Variants in IL1RAPL1 observed in about 807,000 individuals in gnomAD.
IL1RAPL1 encodes interleukin 1 receptor accessory protein like 1, also known as interleukin-1 receptor accessory protein-like 1.
In IL1RAPL1, 3 loss-of-function variants were observed where a neutral mutation model predicts 48.4. The observed-to-expected ratio is 0.06, with a 90% CI of 0.03 to 0.16. The LOEUF (loss-of-function observed/expected upper bound fraction) is 0.16. Among genes scored for constraint, IL1RAPL1 ranks in the 10% least tolerant of loss-of-function variants. The pLI is 1.00. For synonymous variants in IL1RAPL1, 185 were observed against 187.7 expected, an observed-to-expected ratio of 0.99 and a Z score of 0.12; for missense variants, 349 against 530.6, an observed-to-expected ratio of 0.66 and a Z score of 3.36.
chrX:29,845,218 C>A (rs925972763), intron 6 of IL1RAPL1, among the ~76,000 whole-genome samples: 39 of 111,340 alleles, frequency 3.5e-4, no homozygotes, highest in Non-Finnish European at 6.0e-4. Context: ...AATAAGAAAA[C>A]AAGCCATACA....
intron 6 of IL1RAPL1, among the ~76,000 whole-genome samples, chrX:29,767,639 AC>A (rs1039173765): frequency 5.4e-5 from 6 of 112,045 alleles, no homozygotes; most frequent in Non-Finnish European, 1.1e-4. Context: ...ATAAGGCAAT[AC>A]CACTTGTCTA....
intron 1 of IL1RAPL1, among the ~76,000 whole-genome samples, chrX:28,648,804 C>T (rs190929040): frequency 5.6e-4 from 62 of 111,460 alleles, no homozygotes; most frequent in South Asian, 1.1e-3. Flanking sequence ...TTGGAAAGTC[C>T]CTGTAACGAA....
At chrX:29,452,164 G>T (rs1249273974) in intron 5 of IL1RAPL1, among the ~76,000 whole-genome samples, 1 of 111,936 alleles carries the variant, frequency 8.9e-6, no homozygotes, top group Non-Finnish European at 1.9e-5. Flanking sequence ...CATAAATAAA[G>T]CAGAATTATA....
At chrX:29,373,109 T>G (rs1360998521) in intron 3 of IL1RAPL1, among the ~76,000 whole-genome samples, 1 of 111,534 alleles carries the variant, frequency 9.0e-6, no homozygotes, top group East Asian at 2.8e-4. Flanking sequence ...TCAGCAATGT[T>G]TTTTAGTTCT....
intron 2 of IL1RAPL1, among the ~76,000 whole-genome samples, chrX:29,077,832 A>T (rs1160439212): frequency 1.8e-5 from 2 of 111,110 alleles, no homozygotes; most frequent in African/African-American, 3.3e-5. Context: ...GTTGAGAAAC[A>T]TTGGACATTT....
At chrX:28,907,649 G>T (rs2147330031) in intron 2 of IL1RAPL1, among the ~76,000 whole-genome samples, 1 of 112,527 alleles carries the variant, frequency 8.9e-6, no homozygotes, top group South Asian at 3.7e-4. Flanking sequence ...TGTTGGATTA[G>T]ATTATTTAAT....
rs1017754389 is a variant in IL1RAPL1, at chrX:29,764,114, T to C, written c.778+95610T>C. On this transcript the variant is annotated intron_variant, in intron 6 of 10. Transcript: ENST00000378993. The stretch of plus-strand genomic sequence containing the variant: ...GTAGGAAACAAATTAAATTTTAATC[T>C]TTATTATTATTAAAATAATCTTTGC... Among the ~76,000 whole-genome samples, 4 of 111,865 alleles carry C rather than the reference T, an allele frequency of 3.6e-5. No individual in the cohort carries two copies. The East Asian group carries it at 1.1e-3, about 31-fold the overall frequency.
At chrX:28,806,301 T>C (rs1936731391) in intron 2 of IL1RAPL1, among the ~76,000 whole-genome samples, 1 of 112,037 alleles carries the variant, frequency 8.9e-6, no homozygotes, top group African/African-American at 3.2e-5. Flanking sequence ...ACTGAGACTA[T>C]ACTGGAAAGT....
intron 3 of IL1RAPL1, among the ~76,000 whole-genome samples, chrX:29,308,849 A>G (rs1932663512): frequency 8.9e-6 from 1 of 111,805 alleles, no homozygotes; most frequent in African/African-American, 3.3e-5. Context: ...AGGATGAGTA[A>G]CTCTTTCCAA....
intron 9 of IL1RAPL1, among the ~76,000 whole-genome samples, chrX:29,951,253 G>GTAGA (rs1933314817): frequency 8.9e-6 from 1 of 112,061 alleles, no homozygotes; most frequent in Non-Finnish European, 1.9e-5. Context: ...CTAAGCCCCA[G>GTAGA]TCACATACCT....
chrX:29,397,842 G>T (rs920408690), intron 4 of IL1RAPL1, among the ~76,000 whole-genome samples: 1 of 111,566 alleles, frequency 9.0e-6, no homozygotes, highest in African/African-American at 3.3e-5. Flanking sequence ...TATTTTAAGA[G>T]TTGTGTTTCT....
At chrX:28,611,934 C>T (rs1934152222) in intron 1 of IL1RAPL1, among the ~76,000 whole-genome samples, 1 of 111,981 alleles carries the variant, frequency 8.9e-6, no homozygotes, top group Admixed American at 9.5e-5. Context: ...CCAAATCCAG[C>T]CAGCCACCTG....
chrX:29,537,033 G>A (rs1408323294), intron 5 of IL1RAPL1, among the ~76,000 whole-genome samples: 3 of 110,541 alleles, frequency 2.7e-5, no homozygotes, highest in Non-Finnish European at 5.7e-5. Context: ...GGCATGTAGA[G>A]TACACATATA....
chrX:29,439,265 A>G (rs1243162481), intron 5 of IL1RAPL1, among the ~76,000 whole-genome samples: 3 of 111,336 alleles, frequency 2.7e-5, no homozygotes, highest in Non-Finnish European at 3.8e-5. Context: ...TGTTCCATAT[A>G]TCTAAATTTT....
At chrX:29,223,236 T>C (rs893662470) in intron 2 of IL1RAPL1, among the ~76,000 whole-genome samples, 4 of 111,908 alleles carry the variant, frequency 3.6e-5, no homozygotes, top group African/African-American at 1.3e-4. Context: ...TTTGCCCCTT[T>C]GGACTCTATA....
chrX:29,095,459 A>G (rs1451615237), intron 2 of IL1RAPL1, among the ~76,000 whole-genome samples: 1 of 111,931 alleles, frequency 8.9e-6, no homozygotes, highest in Non-Finnish European at 1.9e-5. Context: ...TACCTCAAAC[A>G]GTCCACAAGA....
At chrX:29,637,505 A>T (rs1477580187) in intron 5 of IL1RAPL1, among the ~76,000 whole-genome samples, 1 of 111,321 alleles carries the variant, frequency 9.0e-6, no homozygotes, top group African/African-American at 3.3e-5. Flanking sequence ...TTTAAAGTTG[A>T]TATATATGAA....
intron 2 of IL1RAPL1, among the ~76,000 whole-genome samples, chrX:28,805,979 C>T (rs1936726509): frequency 9.1e-6 from 1 of 110,348 alleles, no homozygotes; most frequent in South Asian, 3.8e-4. Context: ...AATCTCATCA[C>T]AGCACTCTCT....
At chrX:28,683,102 T>G (rs1406804201) in intron 1 of IL1RAPL1, among the ~76,000 whole-genome samples, 1 of 111,944 alleles carries the variant, frequency 8.9e-6, no homozygotes, top group Non-Finnish European at 1.9e-5. Flanking sequence ...AGGAAACTAT[T>G]CTCTAGGGAT....
Sources: allele counts gnomAD v4.1 joint callset (sites outside exome capture counted in the v4.1 genomes callset), GRCh38; gene constraint gnomAD v4.1.1; transcripts MANE v1.5; gene names NCBI Gene and HGNC (gene_info 2026-07-23, HGNC 2026-07-21).